Variants in TACC3 observed in about 807,000 individuals in gnomAD.
The protein encoded by TACC3 is transforming acidic coiled-coil-containing protein 3.
TACC3 carries 52 observed loss-of-function variants against 86.0 expected under a neutral mutation model. The observed-to-expected ratio is 0.60, with a 90% CI of 0.48 to 0.76. TACC3 has a LOEUF of 0.76. Among genes scored for constraint, TACC3 ranks in the 30% least tolerant of loss-of-function variants. TACC3 has a pLI of 0.00. For synonymous variants in TACC3, 512 were observed against 430.0 expected (o/e 1.19, Z -2.36); for missense variants, 1,120 against 1,070.4 (o/e 1.05, Z -0.65).
chr4:1,740,214 G>A lies in TACC3; in HGVS notation c.2062+212G>A, dbSNP rs530002850. 8.3e-6 allele frequency: 5 copies of A among 601,734 alleles called. No individual in the cohort carries two copies. The African/African-American group carries it at 9.3e-5, about 11-fold the overall frequency. 37.3% of individuals were successfully genotyped at this position (601,734 alleles called of 1,614,324 possible). On this transcript the variant is annotated intron_variant, in intron 12 of 15. Coordinates refer to ENST00000313288, the MANE Select transcript of TACC3 (RefSeq NM_006342.3). The stretch of plus-strand genomic sequence containing the variant: ...GAGGCTGGTGGCTCCCACGGAGCCA[G>A]GGCTTGGCAGGCCCCACAGTTGTGC...
chr4:1,726,266 G>T (rs534581291), intron 3 of TACC3, among the ~76,000 whole-genome samples: 1 of 152,308 alleles, frequency 6.6e-6, no homozygotes, highest in African/African-American at 2.4e-5. Flanking sequence ...CCAGGGAGGC[G>T]TCGCAGAGGC....
intron 6 of TACC3, among the ~76,000 whole-genome samples, chr4:1,733,048 C>T (rs548564637): frequency 5.3e-5 from 8 of 152,278 alleles, no homozygotes; most frequent in African/African-American, 1.9e-4. Context: ...TTCCCACTGG[C>T]AGTTATAAGA....
intron 6 of TACC3, among the ~76,000 whole-genome samples, chr4:1,733,967 A>ATTGTTG (rs563093248): frequency 1.4e-5 from 2 of 142,586 alleles, no homozygotes; most frequent in East Asian, 4.0e-4. Flanking sequence ...ACAGAGCAAG[A>ATTGTTG]CTCTGTCTCA....
chr4:1,729,850 G>A (rs555548682), intron 4 of TACC3, among the ~76,000 whole-genome samples: 1 of 152,198 alleles, frequency 6.6e-6, no homozygotes, highest in Middle Eastern at 3.4e-3. Context: ...CCCAGGCACT[G>A]GTGCTACCGC....
upstream of TACC3, chr4:1,721,043 TA>T (rs1717307379): frequency 3.5e-6 from 1 of 285,532 alleles, no homozygotes; most frequent in African/African-American, 2.3e-5. Flanking sequence ...CGGGGCACTC[TA>T]GGACATGGAG....
intron 6 of TACC3, among the ~76,000 whole-genome samples, chr4:1,733,799 G>A (rs1212514120): frequency 6.6e-6 from 1 of 152,150 alleles, no homozygotes; most frequent in African/African-American, 2.4e-5. Context: ...CCAACATGGT[G>A]AAACCTCATC....
chr4:1,744,849 C>T lies in TACC3; in HGVS notation c.2451+17C>T, dbSNP rs776932710. 1 of 1,612,928 alleles carries T rather than the reference C, an allele frequency of 6.2e-7. No individual in the cohort carries two copies. Among genetic ancestry groups the T allele is most frequent in the South Asian group, 1.1e-5 (1 of 91,074 alleles). On this transcript the variant is annotated intron_variant, in intron 15 of 15. Coordinates refer to ENST00000313288, the MANE Select transcript of TACC3 (RefSeq NM_006342.3). ...GAGCAGAAGGTGGGTGCGGGAAGCC[C>T]AGCTCAAGGGGCCGTCTGGCAGCAC...
intron 4 of TACC3, among the ~76,000 whole-genome samples, chr4:1,730,001 C>T (rs1016995438): frequency 1.3e-5 from 2 of 151,896 alleles, no homozygotes; most frequent in Non-Finnish European, 2.9e-5. Flanking sequence ...CCTTCACCTC[C>T]TATCTCTATA....
chr4:1,742,997 C>T (rs1045799130), intron 13 of TACC3, among the ~76,000 whole-genome samples: 18 of 152,254 alleles, frequency 1.2e-4, no homozygotes, highest in South Asian at 6.2e-4. Flanking sequence ...ACTAGGCCGG[C>T]TTATGCCTGT....
In TACC3 at chr4:1,735,639, G is replaced by T. The variant is rs1415073838; in HGVS notation, c.1645-92G>T. On this transcript the variant is annotated intron_variant, in intron 7 of 15. Coordinates refer to ENST00000313288, the MANE Select transcript of TACC3 (RefSeq NM_006342.3). The surrounding 1 kb of genome is among the most constrained non-coding windows in gnomAD (Gnocchi z 4.2). ...GGTGGGAGTGTGCGGGTGACCGGGG[G>T]TGGGAGTGTGCAGGTGACCTCCCTG... 2 of 1,004,436 alleles carry T rather than the reference G, an allele frequency of 2.0e-6. No homozygotes were observed. Among genetic ancestry groups the T allele is most frequent in the Non-Finnish European group, 1.6e-6 (1 of 641,322 alleles). 62.2% of individuals were successfully genotyped at this position (1,004,436 alleles called of 1,614,324 possible).
intron 12 of TACC3, 48 bp from the exon 13 acceptor site, chr4:1,740,778 C>T (rs747500174): frequency 2.0e-5 from 31 of 1,554,916 alleles, no homozygotes; most frequent in African/African-American, 5.5e-5. Context: ...TGGCACCCAT[C>T]GTTTCGGTTG....
intron 1 of TACC3, among the ~76,000 whole-genome samples, chr4:1,722,181 C>T (rs1001818523): frequency 6.6e-6 from 1 of 152,202 alleles, no homozygotes; most frequent in Non-Finnish European, 1.5e-5. Flanking sequence ...GGTCCCTTCT[C>T]TGCCCAGAGC....
In TACC3 at chr4:1,740,270, G is replaced by A. The variant is rs1381891305; in HGVS notation, c.2062+268G>A. On this transcript the variant is annotated intron_variant, in intron 12 of 15. Transcript: ENST00000313288. ...CTGAGCTAGCAGTGGGGCTGTGGTG[G>A]GAGCAGAGTCTGTCCCGCCGTGGCC... is the stretch of plus-strand genomic sequence containing the variant. The A allele has an allele frequency of 7.0e-6, 4 of 570,458 alleles. No individual in the cohort carries two copies. The East Asian group carries it at 1.2e-4, about 17-fold the overall frequency. The allele number at this position is 570,458 out of a possible 1,614,324, so 35.3% of individuals were successfully genotyped here.
At position 1,744,936 on chromosome 4, in the gene TACC3, TTCC is replaced by T. The variant is rs1397000426; in HGVS notation, c.2452-5_2452-3del. ...GCAGGGAGAAGCCCCGCAACTCATC[TTCC>T]TCCTCCAGACTAAAGAGAACGAGGA... On this transcript the variant is annotated splice_polypyrimidine_tract_variant and intron_variant, in intron 15 of 15. Coordinates refer to ENST00000313288, the MANE Select transcript of TACC3 (RefSeq NM_006342.3). The T allele has an allele frequency of 1.2e-6, 2 of 1,611,970 alleles. No homozygotes were observed. The highest frequency in any genetic ancestry group is 1.7e-6 in the Non-Finnish European group (2 of 1,179,606).
At chr4:1,737,809 TGCCCC>T in intron 10 of TACC3, 107 bp downstream of exon 10, 2 of 1,041,210 alleles carry the variant, frequency 1.9e-6, no homozygotes, top group Non-Finnish European at 2.9e-6. Context: ...CTGCCATCCC[TGCCCC>T]TGCTGGTTGG....
In TACC3 at chr4:1,728,544, T is replaced by A. The variant is rs1560300717; in HGVS notation, c.1142T>A (p.Val381Glu). Reference protein sequence around the residue: ...AVRQQKAPQEVEEDDGRSGAG... With the variant: ...AVRQQKAPQEEEEDDGRSGAG... ...AGGCAGCAAAAGGCCCCGCAGGAGG[T>A]GGAGGAGGACGACGGTAGGAGCGGA... The change falls in exon 4 of 16, where the codon GTG becomes GAG. Residue 381 changes from valine (V) to glutamate (E), a missense_variant. Transcript: ENST00000313288. 2 of 1,613,134 alleles carry A rather than the reference T, an allele frequency of 1.2e-6. No individual in the cohort carries two copies. Among genetic ancestry groups the A allele is most frequent in the Non-Finnish European group, 8.5e-7 (1 of 1,179,802 alleles).
Position 1,733,448 on chromosome 4 carries a change from T to C in TACC3, c.1592-1825T>C, listed in dbSNP as rs1718100574. Among the ~76,000 whole-genome samples, 6 of 152,114 alleles carry C rather than the reference T, an allele frequency of 3.9e-5. No individual in the cohort carries two copies. In the South Asian group the frequency reaches 1.2e-3, roughly 31 times the overall value. On this transcript the variant is annotated intron_variant, in intron 6 of 15. Coordinates refer to ENST00000313288, the MANE Select transcript of TACC3 (RefSeq NM_006342.3). ...AGGCAGGATTGTTTGAGCCCTGTAGTTTGAGACTAACCTGGGCAACATGGC... is the reference window on the plus strand; with the variant it reads ...AGGCAGGATTGTTTGAGCCCTGTAGCTTGAGACTAACCTGGGCAACATGGC...
At chr4:1,740,058 A>G in intron 12 of TACC3, 56 bp downstream of exon 12, 2 of 1,573,264 alleles carry the variant, frequency 1.3e-6, no homozygotes, top group South Asian at 2.2e-5. Context: ...CCTATGCCCC[A>G]CCCTGGCCCT....
chr4:1,739,828 C>A (rs1169406821), intron 11 of TACC3, 50 bp downstream of exon 11: 1 of 655,354 alleles, frequency 1.5e-6, no homozygotes, highest in East Asian at 3.4e-5. Flanking sequence ...CCCTCGCCAT[C>A]CTTGTCCCCA....
Sources: gnomAD v4.1 joint callset for allele counts (sites outside exome capture counted in the v4.1 genomes callset) on GRCh38, gnomAD v4.1.1 for gene constraint, Gnocchi (gnomAD v3.1) non-coding constraint, MANE v1.5 for transcripts, NCBI Gene and HGNC (gene_info 2026-07-23, HGNC 2026-07-21) for gene names.